VAPB: variants seen among roughly 807,000 people sequenced by gnomAD.
VAPB encodes vesicle-associated membrane protein-associated protein B/C.
A neutral mutation model predicts 25.6 loss-of-function variants in VAPB; 7 were observed. That is an observed-to-expected ratio of 0.27 (90% confidence interval 0.16 to 0.51). The LOEUF is 0.51. VAPB is among the 20% of genes least tolerant of loss of function. The pLI is 0.97. For missense variants in VAPB, 266 were observed against 301.3 expected, an observed-to-expected ratio of 0.88 and a Z score of 0.87; for synonymous variants, 112 against 109.2, an observed-to-expected ratio of 1.03 and a Z score of -0.16.
At position 58,444,316 on chromosome 20, in the gene VAPB, AAAG is replaced by A. The variant is rs780431674; in HGVS notation, c.*84_*86del. 3 of 1,606,744 alleles carry A rather than the reference AAAG, an allele frequency of 1.9e-6. No homozygotes were observed. Among genetic ancestry groups the A allele is most frequent in the Non-Finnish European group, 2.6e-6 (3 of 1,173,788 alleles). On this transcript the variant is annotated 3_prime_UTR_variant, in exon 6 of 6. Transcript: ENST00000475243. ...TTAAATTTATCATAACCATGTGTAAAAAGAAATTAATGTATGATGACATCTCAC... is the reference window on the plus strand; with the variant it reads ...TTAAATTTATCATAACCATGTGTAAAAAATTAATGTATGATGACATCTCAC...
Position 58,446,803 on chromosome 20 carries a change from G to A in VAPB, c.*2568G>A. 2.2e-6 allele frequency: 1 copy of A among 454,092 alleles called. No individual in the cohort carries two copies. Among genetic ancestry groups the A allele is most frequent in the South Asian group, 1.6e-5 (1 of 64,474 alleles). The allele number at this position is 454,092 out of a possible 1,614,324, so 28.1% of individuals were successfully genotyped here. ...GTTGATTATTTTCTCAGTCATCCTG[G>A]CAGCCAAAAATGTGCCAGGAAAAGA... is the stretch of plus-strand genomic sequence containing the variant. On this transcript the variant is annotated 3_prime_UTR_variant, in exon 6 of 6. Transcript: ENST00000475243.
At position 58,447,264 on chromosome 20, in the gene VAPB, C is replaced by G; in HGVS notation, c.*3029C>G. ...GCTTCCTTGGCACGATACAAAATAC[C>G]TCTTAAAGACAGCAGGCTTTTTTAT... On this transcript the variant is annotated 3_prime_UTR_variant, in exon 6 of 6. Coordinates refer to ENST00000475243, the MANE Select transcript of VAPB (RefSeq NM_004738.5). The G allele has an allele frequency of 2.2e-6, 1 of 454,068 alleles. No homozygotes were observed. The highest frequency in any genetic ancestry group is 4.4e-6 in the Non-Finnish European group (1 of 226,772). 28.1% of individuals were successfully genotyped at this position (454,068 alleles called of 1,614,324 possible). A position where few individuals can be genotyped will look rare whatever the true frequency, so the allele number is the denominator to read the frequency against.
intron 2 of VAPB, among the ~76,000 whole-genome samples, chr20:58,421,500 G>T (rs1324524106): frequency 6.6e-6 from 1 of 152,030 alleles, no homozygotes; most frequent in Admixed American, 6.6e-5. Context: ...TACATTTTCA[G>T]GTATAATCTT....
chr20:58,432,753 G>A (rs1221903274), intron 2 of VAPB, among the ~76,000 whole-genome samples: 1 of 152,176 alleles, frequency 6.6e-6, no homozygotes, highest in East Asian at 1.9e-4. Context: ...TTCAGAAAAA[G>A]CATTGACCTG....
At position 58,403,035 on chromosome 20, in the gene VAPB, AGG is replaced by A. The variant is rs559662055; in HGVS notation, c.58+13523_58+13524del. Among the ~76,000 whole-genome samples, 350 of 151,700 alleles carry A rather than the reference AGG, an allele frequency of 2.3e-3. 1 individual carries two copies. Among genetic ancestry groups the A allele is most frequent in the African/African-American group, 7.9e-3 (324 of 41,078 alleles). On this transcript the variant is annotated intron_variant, in intron 1 of 5. Coordinates refer to ENST00000475243, the MANE Select transcript of VAPB (RefSeq NM_004738.5). ...CAAAAACAAAGCTGAGAAAGGAGAG[AGG>A]GGGGAAGAAAGAAGACTTTCAGTGG... is the stretch of plus-strand genomic sequence containing the variant.
intron 2 of VAPB, 66 bp from the exon 3 acceptor site, chr20:58,434,535 TA>T: frequency 1.2e-6 from 1 of 819,448 alleles, no homozygotes. Flanking sequence ...AAAGTACAAG[TA>T]TTAGCATAAT....
At chr20:58,391,663 G>GGAT (rs1271127298) in intron 1 of VAPB, among the ~76,000 whole-genome samples, 1 of 152,104 alleles carries the variant, frequency 6.6e-6, no homozygotes, top group African/African-American at 2.4e-5. Context: ...TGAGTAGCTG[G>GGAT]GATTACATAC....
intron 1 of VAPB, among the ~76,000 whole-genome samples, chr20:58,400,903 T>C (rs1988081629): frequency 6.6e-6 from 1 of 152,262 alleles, no homozygotes; most frequent in Admixed American, 6.5e-5. Context: ...AATTTGTGCT[T>C]CTGACCTTTG....
In VAPB at chr20:58,434,686, C is replaced by A. The variant is rs761270333; in HGVS notation, c.296C>A (p.Thr99Asn). 2 of 1,564,144 alleles carry A rather than the reference C, an allele frequency of 1.3e-6. No individual in the cohort carries two copies. The highest frequency in any genetic ancestry group is 1.8e-6 in the Non-Finnish European group (2 of 1,135,154). ...MVQSMFAPTD[T>N]SDMEAVWKEA... is the part of the protein sequence containing the mutation. ...CAGTCTATGTTTGCTCCAACTGACA[C>A]TTCAGATATGGAAGCAGTAGTAAGT... The change falls in exon 3 of 6, where the codon ACT becomes AAT. Residue 99 changes from threonine (T) to asparagine (N), a missense_variant. By Grantham distance (65) the Thr-to-Asn change is moderately conservative (BLOSUM62 0). Coordinates refer to ENST00000475243, the MANE Select transcript of VAPB (RefSeq NM_004738.5).
intron 2 of VAPB, among the ~76,000 whole-genome samples, chr20:58,421,883 A>G (rs192174837): frequency 3.9e-4 from 59 of 152,180 alleles, no homozygotes; most frequent in African/African-American, 1.3e-3. Flanking sequence ...AGCTCTTTTT[A>G]CCTTTTCACA....
At position 58,447,128 on chromosome 20, in the gene VAPB, G is replaced by A. The variant is rs755884572; in HGVS notation, c.*2893G>A. ...GGCTCCACAGCACCTCAGAGAGGGC[G>A]GCCCTGGCTTCAGAAATGCCAGCCA... On this transcript the variant is annotated 3_prime_UTR_variant, in exon 6 of 6. Transcript: ENST00000475243. The A allele has an allele frequency of 8.8e-6, 4 of 453,964 alleles. No homozygotes were observed. The highest frequency in any genetic ancestry group is 2.4e-5 in the Admixed American group (1 of 42,550). The allele number at this position is 453,964 out of a possible 1,614,324, so 28.1% of individuals were successfully genotyped here. A position where few individuals can be genotyped will look rare whatever the true frequency, so the allele number is the denominator to read the frequency against.
chr20:58,392,978 A>C (rs1381829563), intron 1 of VAPB, among the ~76,000 whole-genome samples: 1 of 152,166 alleles, frequency 6.6e-6, no homozygotes, highest in East Asian at 1.9e-4. Flanking sequence ...CTTTCATGAG[A>C]TATTTTTAGT....
intron 1 of VAPB, among the ~76,000 whole-genome samples, chr20:58,389,830 T>A (rs1366472774): frequency 6.6e-6 from 1 of 152,224 alleles, no homozygotes; most frequent in African/African-American, 2.4e-5. Context: ...AGTGTGAGCC[T>A]CCGCCGCTGC....
chr20:58,399,713 CAAAA>C (rs11315321), intron 1 of VAPB, among the ~76,000 whole-genome samples: 23,136 of 128,368 alleles, frequency 0.18, 1,900 homozygotes, highest in Non-Finnish European at 0.21. Flanking sequence ...GAGACCGTCT[CAAAA>C]AAAAAAAAAA....
At chr20:58,418,494 C>A in intron 2 of VAPB, 131 bp downstream of exon 2, 1 of 1,170,154 alleles carries the variant, frequency 8.5e-7, no homozygotes, top group Non-Finnish European at 1.2e-6. Context: ...CCCACCCCAC[C>A]CCACCCCACC....
At position 58,450,286 on chromosome 20, in the gene VAPB, A is replaced by C; in HGVS notation, c.*6051A>C. The stretch of plus-strand genomic sequence containing the variant: ...ATTTATTGTCTGTGATATTGAGACC[A>C]TGTGTACAAGAACTACTTTTTGCTT... On this transcript the variant is annotated 3_prime_UTR_variant, in exon 6 of 6. Coordinates refer to ENST00000475243, the MANE Select transcript of VAPB (RefSeq NM_004738.5). 2.2e-6 allele frequency: 1 copy of C among 453,620 alleles called. No individual in the cohort carries two copies. The highest frequency in any genetic ancestry group is 1.6e-5 in the South Asian group (1 of 64,436). The allele number at this position is 453,620 out of a possible 1,614,324, so 28.1% of individuals were successfully genotyped here.
In VAPB at chr20:58,389,270, C is replaced by T. The variant is rs1024173519; in HGVS notation, c.-190C>T. The T allele has an allele frequency of 7.2e-6, 5 of 692,056 alleles. No homozygotes were observed. Among genetic ancestry groups the T allele is most frequent in the African/African-American group, 3.7e-5 (2 of 54,672 alleles). The allele number at this position is 692,056 out of a possible 1,614,324, so 42.9% of individuals were successfully genotyped here. On this transcript the variant is annotated 5_prime_UTR_variant, in exon 1 of 6. Coordinates refer to ENST00000475243, the MANE Select transcript of VAPB (RefSeq NM_004738.5). ...CCGGGCACCGCGGCCTCGCCCTCGC[C>T]CTCCGCCCCTGCGCCTGCACCGCGT... is the stretch of plus-strand genomic sequence containing the variant.
At chr20:58,439,106 T>G in intron 4 of VAPB, 81 bp downstream of exon 4, 1 of 1,343,240 alleles carries the variant, frequency 7.4e-7, no homozygotes, top group Non-Finnish European at 1.1e-6. Context: ...AAACCAAGAT[T>G]TAAGTTGGCA....
intron 1 of VAPB, among the ~76,000 whole-genome samples, chr20:58,408,578 C>T (rs781374736): frequency 6.6e-6 from 1 of 151,892 alleles, no homozygotes; most frequent in South Asian, 2.1e-4. Context: ...TCACTCTCTT[C>T]GAATATCTGT....
Sources: allele counts gnomAD v4.1 joint callset (sites outside exome capture counted in the v4.1 genomes callset), GRCh38; gene constraint gnomAD v4.1.1; transcripts MANE v1.5; gene names NCBI Gene and HGNC (gene_info 2026-07-23, HGNC 2026-07-21).